RNF180: variants seen among roughly 807,000 people sequenced by gnomAD.
RNF180 encodes ring finger protein 180, also known as E3 ubiquitin-protein ligase RNF180.
RNF180 carries 38 observed loss-of-function variants against 59.2 expected under a neutral mutation model. The ratio of observed to expected loss-of-function variants is 0.64; its 90% CI spans 0.50 to 0.84. RNF180 has a LOEUF of 0.84. Ranked by LOEUF, RNF180 falls within the 40% of genes least tolerant of loss-of-function variation. The probability of loss-of-function intolerance (pLI) is 0.00; values close to 1 mark genes in which losing one functional copy is unlikely to be tolerated. For synonymous variants in RNF180, 262 were observed against 240.3 expected (o/e 1.09, Z -0.84); for missense variants, 705 against 700.9 (o/e 1.01, Z -0.07).
rs955880671 is a variant in RNF180, at chr5:64,271,620, T to C, written c.1228-53566T>C. 3.9e-5 allele frequency among the ~76,000 whole-genome samples: 6 copies of C among 152,130 alleles called. No individual in the cohort carries two copies. The Middle Eastern group carries it at 0.01, about 259-fold the overall frequency. The stretch of plus-strand genomic sequence containing the variant: ...TAACGACACATTTCTCAGAACATAT[T>C]CCATGGTTCTGAGAATACACCCCAC... On this transcript the variant is annotated intron_variant, in intron 5 of 7. Transcript: ENST00000389100.
At chr5:64,261,698 G>A (rs1744350560) in intron 5 of RNF180, among the ~76,000 whole-genome samples, 2 of 152,198 alleles carry the variant, frequency 1.3e-5, no homozygotes, top group South Asian at 4.2e-4. Context: ...GTTTTAAGTA[G>A]GGATTTCTTT....
chr5:64,315,701 A>G (rs1418677464), intron 5 of RNF180, among the ~76,000 whole-genome samples: 1 of 145,156 alleles, frequency 6.9e-6, no homozygotes, highest in African/African-American at 2.6e-5. Context: ...GTGCCATTGC[A>G]CTCCAGTCTG....
At chr5:64,267,398 T>A (rs896537123) in intron 5 of RNF180, among the ~76,000 whole-genome samples, 1 of 152,062 alleles carries the variant, frequency 6.6e-6, no homozygotes, top group South Asian at 2.1e-4. Flanking sequence ...CATGTGCACA[T>A]TGTGCAGGTT....
At chr5:64,174,061 G>A (rs1750097879) in intron 1 of RNF180, among the ~76,000 whole-genome samples, 2 of 152,110 alleles carry the variant, frequency 1.3e-5, no homozygotes, top group African/African-American at 2.4e-5. Context: ...TGCAGATTTT[G>A]TCTTTCTGTG....
intron 6 of RNF180, among the ~76,000 whole-genome samples, chr5:64,328,864 GA>G (rs779161343): frequency 2.1e-4 from 32 of 152,310 alleles, no homozygotes; most frequent in Non-Finnish European, 4.0e-4. Context: ...ATCATTGCGG[GA>G]TGAAAGTAAG....
At chr5:64,282,251 T>C (rs144937984) in intron 5 of RNF180, among the ~76,000 whole-genome samples, 235 of 152,338 alleles carry the variant, frequency 1.5e-3, no homozygotes, top group African/African-American at 5.0e-3. Context: ...GTTCAGAGTT[T>C]TAATTTCTTC....
chr5:64,206,702 G>GGA (rs1194695087), intron 2 of RNF180, among the ~76,000 whole-genome samples: 1 of 152,092 alleles, frequency 6.6e-6, no homozygotes, highest in Non-Finnish European at 1.5e-5. Flanking sequence ...AGGGTCTTTA[G>GGA]GAGTTAATGA....
rs1432511611 is a variant in RNF180, at chr5:64,313,948, GTCT to G, written c.1228-11233_1228-11231del. Among the ~76,000 whole-genome samples, 5 of 152,222 alleles carry G rather than the reference GTCT, an allele frequency of 3.3e-5. No homozygotes were observed. In the East Asian group the frequency reaches 5.8e-4, roughly 18 times the overall value. ...TCAAATGCTTTTTGGCCATGTGTAT[GTCT>G]TCTTTGGAAAAGTGTTTGTTCATGT... On this transcript the variant is annotated intron_variant, in intron 5 of 7. Transcript: ENST00000389100.
chr5:64,257,096 T>A (rs1174890908), intron 5 of RNF180, among the ~76,000 whole-genome samples: 1 of 152,182 alleles, frequency 6.6e-6, no homozygotes, highest in African/African-American at 2.4e-5. Flanking sequence ...CTTAAGGAGA[T>A]TTTGGGCTGA....
At chr5:64,277,215 C>T (rs1278176922) in intron 5 of RNF180, among the ~76,000 whole-genome samples, 1 of 144,760 alleles carries the variant, frequency 6.9e-6, no homozygotes, top group African/African-American at 2.6e-5. Context: ...AAAGAGACCG[C>T]AGAGAGTGGA....
chr5:64,175,951 T>G (rs1654763975), intron 1 of RNF180, among the ~76,000 whole-genome samples: 2 of 152,202 alleles, frequency 1.3e-5, no homozygotes, highest in Admixed American at 1.3e-4. Context: ...ATATTGATTT[T>G]GTATCTTACA....
At chr5:64,185,931 G>T (rs1276424763) in intron 1 of RNF180, among the ~76,000 whole-genome samples, 1 of 152,228 alleles carries the variant, frequency 6.6e-6, no homozygotes, top group East Asian at 1.9e-4. Flanking sequence ...CAATAAAAGT[G>T]CTAGGAATGT....
intron 5 of RNF180, among the ~76,000 whole-genome samples, chr5:64,238,279 G>A (rs1461541697): frequency 6.6e-6 from 1 of 152,142 alleles, no homozygotes; most frequent in African/African-American, 2.4e-5. Flanking sequence ...GTTGCCTAGT[G>A]TGAATAGTGC....
At chr5:64,361,871 A>G (rs1476517152) in intron 7 of RNF180, among the ~76,000 whole-genome samples, 3 of 151,350 alleles carry the variant, frequency 2.0e-5, no homozygotes, top group Non-Finnish European at 3.0e-5. Context: ...TTCTAAGTGT[A>G]TTGTCTCCTG....
intron 5 of RNF180, chr5:64,217,767 T>C (rs1752712754): frequency 6.3e-6 from 1 of 157,928 alleles, no homozygotes; most frequent in Admixed American, 6.5e-5. Context: ...CTGGGCAACA[T>C]AGCAAAACCT....
intron 7 of RNF180, among the ~76,000 whole-genome samples, chr5:64,352,898 A>C (rs564748444): frequency 6.6e-6 from 1 of 152,036 alleles, no homozygotes; most frequent in South Asian, 2.1e-4. Flanking sequence ...ATGGCAAATG[A>C]ATTAAACTCA....
chr5:64,168,633 A>G (rs1669301104), intron 1 of RNF180, among the ~76,000 whole-genome samples: 1 of 152,204 alleles, frequency 6.6e-6, no homozygotes, highest in Non-Finnish European at 1.5e-5. Context: ...AGAAGTTTGA[A>G]TGTCACATAA....
At chr5:64,212,222 C>A in intron 3 of RNF180, 62 bp downstream of exon 3, 2 of 970,436 alleles carry the variant, frequency 2.1e-6, no homozygotes, top group East Asian at 2.5e-5. Context: ...TTTTGTCCTC[C>A]TTTTAGAGCT....
intron 7 of RNF180, among the ~76,000 whole-genome samples, chr5:64,354,135 A>G (rs1328278825): frequency 6.6e-6 from 1 of 151,806 alleles, no homozygotes; most frequent in Admixed American, 6.6e-5. Context: ...ATAGGGATTA[A>G]TGAAATACAG....
Sources: allele counts gnomAD v4.1 joint callset (sites outside exome capture counted in the v4.1 genomes callset), GRCh38; gene constraint gnomAD v4.1.1; transcripts MANE v1.5; gene names NCBI Gene and HGNC (gene_info 2026-07-23, HGNC 2026-07-21).